Variants in TP63 observed in about 807,000 individuals in gnomAD.
TP63 encodes tumor protein p63.
Under a neutral mutation model 82.8 loss-of-function variants are expected in TP63, and 17 were observed. The observed-to-expected ratio is 0.21, with a 90% CI of 0.14 to 0.31. The LOEUF (loss-of-function observed/expected upper bound fraction) is 0.31, where lower values mean the gene tolerates loss of function less well. Among genes scored for constraint, TP63 ranks in the 10% least tolerant of loss-of-function variants. TP63 has a pLI of 1.00. For synonymous variants in TP63, 330 were observed against 321.7 expected (o/e 1.03, Z -0.28); for missense variants, 648 against 895.3 (o/e 0.72, Z 3.52).
chr3:189,887,987 G>C lies in TP63; in HGVS notation c.1508-1353G>C, dbSNP rs112004982. Among the ~76,000 whole-genome samples, 552 of 151,566 alleles carry C rather than the reference G, an allele frequency of 3.6e-3. 3 individuals are homozygous for C. Among genetic ancestry groups the C allele is most frequent in the African/African-American group, 0.013 (530 of 41,334 alleles). On this transcript the variant is annotated intron_variant, in intron 11 of 13. Coordinates refer to ENST00000264731, the MANE Select transcript of TP63 (RefSeq NM_003722.5). ...TTCTCCTGCCTCAGCCTCCCGAATA[G>C]CTGGGATTACAGGCGTGCACCACCA...
chr3:189,868,565 T>C lies in TP63; in HGVS notation c.993-15T>C, dbSNP rs201328118. 150 of 1,613,876 alleles carry C rather than the reference T, an allele frequency of 9.3e-5. No individual in the cohort carries two copies. Among genetic ancestry groups the C allele is most frequent in the Non-Finnish European group, 1.2e-4 (145 of 1,179,926 alleles). Reference sequence around the variant, plus strand: ...TTGAATTTAACTCTTTCTTCCCCTTTATTCTAATTCCTAGTGGGCAAGTCC... The same window carrying C: ...TTGAATTTAACTCTTTCTTCCCCTTCATTCTAATTCCTAGTGGGCAAGTCC... On this transcript the variant is annotated splice_polypyrimidine_tract_variant and intron_variant, in intron 7 of 13. Transcript: ENST00000264731.
At chr3:189,795,427 C>G (rs1252100287) in intron 3 of TP63, among the ~76,000 whole-genome samples, 1 of 151,794 alleles carries the variant, frequency 6.6e-6, no homozygotes, top group East Asian at 1.9e-4. Flanking sequence ...TAAAAGATAT[C>G]CCAAGTTTTG....
At chr3:189,720,752 A>G (rs1295523946) in intron 1 of TP63, among the ~76,000 whole-genome samples, 2 of 151,136 alleles carry the variant, frequency 1.3e-5, no homozygotes, top group African/African-American at 4.8e-5. Context: ...AAAAAAAAAA[A>G]AAAAAGAAGA....
At chr3:189,729,243 G>A (rs1238091205) in intron 1 of TP63, among the ~76,000 whole-genome samples, 5 of 152,104 alleles carry the variant, frequency 3.3e-5, no homozygotes, top group Admixed American at 6.6e-5. Flanking sequence ...AACATAAGAC[G>A]TCAGAGAATT....
intron 1 of TP63, among the ~76,000 whole-genome samples, chr3:189,664,338 A>G (rs1714187440): frequency 6.6e-6 from 1 of 152,182 alleles, no homozygotes; most frequent in South Asian, 2.1e-4. Context: ...GGGCAGTACT[A>G]TGCTCAAAAT....
rs1221897978 is a variant in TP63, at chr3:189,737,784, A to T, written c.107A>T (p.Tyr36Phe). 6.2e-7 allele frequency: 1 copy of T among 1,613,860 alleles called. No individual in the cohort carries two copies. Among genetic ancestry groups the T allele is most frequent in the African/African-American group, 1.3e-5 (1 of 74,918 alleles). The change falls in exon 2 of 14, where the codon TAC becomes TTC. Residue 36 changes from tyrosine (Y) to phenylalanine (F), a missense_variant. By Grantham distance (22) the Tyr-to-Phe change is conservative. Around this residue, in one of 5 missense-constraint regions of TP63, gnomAD observed 182 missense variants for 213.6 expected, o/e 0.85. Transcript: ENST00000264731. ...CATTTCTCTTGGAAAGAAAGTTATT[A>T]CCGATCCACCATGTCCCAGAGCACA... ...PAHFSWKESY[Y>F]RSTMSQSTQT... is the part of the protein sequence containing the mutation.
intron 3 of TP63, among the ~76,000 whole-genome samples, chr3:189,744,496 A>G (rs961585474): frequency 6.6e-6 from 1 of 151,910 alleles, no homozygotes; most frequent in Non-Finnish European, 1.5e-5. Flanking sequence ...GGGCCTGAAA[A>G]TTGCCCATTT....
intron 8 of TP63, 50 bp from the exon 9 acceptor site, chr3:189,869,274 A>T (rs1354685996): frequency 7.3e-7 from 1 of 1,365,714 alleles, no homozygotes; most frequent in Non-Finnish European, 1.0e-6. Flanking sequence ...AATATGCATT[A>T]GTGCTTTAGA....
chr3:189,801,029 T>C (rs1228042212), intron 3 of TP63, among the ~76,000 whole-genome samples: 1 of 152,198 alleles, frequency 6.6e-6, no homozygotes, highest in Non-Finnish European at 1.5e-5. Flanking sequence ...TCACATTTAA[T>C]CACCCGTTGT....
At chr3:189,770,014 G>A (rs536382442) in intron 3 of TP63, among the ~76,000 whole-genome samples, 5 of 152,242 alleles carry the variant, frequency 3.3e-5, no homozygotes, top group East Asian at 1.9e-4. Context: ...GAAATTATAC[G>A]TTTTTGTGTG....
intron 1 of TP63, among the ~76,000 whole-genome samples, chr3:189,698,710 C>G (rs1046286330): frequency 1.3e-5 from 2 of 152,048 alleles, no homozygotes; most frequent in African/African-American, 4.8e-5. Context: ...TTTATTACAT[C>G]CTAGAACTCA....
At chr3:189,818,482 C>T (rs1162919407) in intron 4 of TP63, among the ~76,000 whole-genome samples, 1 of 151,930 alleles carries the variant, frequency 6.6e-6, no homozygotes, top group African/African-American at 2.4e-5. Flanking sequence ...GAACTGACTG[C>T]TATTATAATA....
At chr3:189,870,493 G>A (rs908041371) in intron 9 of TP63, among the ~76,000 whole-genome samples, 1 of 151,994 alleles carries the variant, frequency 6.6e-6, no homozygotes, top group African/African-American at 2.4e-5. Flanking sequence ...TTTTATATAA[G>A]GGACTTGAGC....
intron 1 of TP63, among the ~76,000 whole-genome samples, chr3:189,656,667 T>A (rs994788208): frequency 6.6e-6 from 1 of 152,086 alleles, no homozygotes; most frequent in Admixed American, 6.6e-5. Context: ...TAAAGAGATA[T>A]AAAATATATG....
At chr3:189,750,772 G>A (rs1397792028) in intron 3 of TP63, among the ~76,000 whole-genome samples, 1 of 152,006 alleles carries the variant, frequency 6.6e-6, no homozygotes, top group Non-Finnish European at 1.5e-5. Flanking sequence ...ATGATCCTTG[G>A]TGGAATTTCT....
At chr3:189,691,369 AAAAG>A (rs1716915968) in intron 1 of TP63, among the ~76,000 whole-genome samples, 1 of 151,654 alleles carries the variant, frequency 6.6e-6, no homozygotes, top group Non-Finnish European at 1.5e-5. Context: ...AAGAAAAAGA[AAAAG>A]AAAAGAAGAA....
Position 189,883,191 on chromosome 3 carries a change from T to A in TP63, c.1350-3203T>A, listed in dbSNP as rs575919397. On this transcript the variant is annotated intron_variant, in intron 10 of 13. Coordinates refer to ENST00000264731, the MANE Select transcript of TP63 (RefSeq NM_003722.5). ...ATTGTATTAAATTTGTAATTTTTTT[T>A]AAAAAAGGTTGTTCTTCAAGGCTTT... Among the ~76,000 whole-genome samples the A allele has an allele frequency of 5.1e-4, 78 of 152,094 alleles. 1 individual carries two copies. The highest frequency in any genetic ancestry group is 2.5e-3 in the South Asian group (12 of 4,824).
At chr3:189,662,257 T>G (rs1713950922) in intron 1 of TP63, among the ~76,000 whole-genome samples, 1 of 152,128 alleles carries the variant, frequency 6.6e-6, no homozygotes, top group Non-Finnish European at 1.5e-5. Context: ...GATTTTGGTA[T>G]GCAGTGTTTC....
the TP63 span, among the ~76,000 whole-genome samples, chr3:189,599,538 A>G: frequency 4.6e-5 from 7 of 152,206 alleles, no homozygotes; most frequent in African/African-American, 1.7e-4. Flanking sequence ...AGAATACCCA[A>G]AGTGAATAGT....
Sources: gnomAD v4.1 joint callset for allele counts (sites outside exome capture counted in the v4.1 genomes callset) on GRCh38, gnomAD v4.1.1 for gene constraint, gnomAD v4.1.1 regional missense constraint, MANE v1.5 for transcripts, NCBI Gene and HGNC (gene_info 2026-07-23, HGNC 2026-07-21) for gene names.